The following PCDHGA5 variants were observed in gnomAD, a reference collection of about 807,000 sequenced individuals.
PCDHGA5 encodes the protein protocadherin gamma subfamily A, 5, also known as protocadherin gamma-A5.
In PCDHGA5, 36 loss-of-function variants were observed where a neutral mutation model predicts 56.7. The observed-to-expected ratio is 0.64, with a 90% CI of 0.49 to 0.84. The LOEUF (loss-of-function observed/expected upper bound fraction) is 0.84. Among genes scored for constraint, PCDHGA5 ranks in the 40% least tolerant of loss-of-function variants. The pLI, the probability that PCDHGA5 is intolerant of heterozygous loss-of-function variation, is 0.00. For synonymous variants in PCDHGA5, 563 were observed against 520.2 expected, an observed-to-expected ratio of 1.08 and a Z score of -1.12; for missense variants, 1,305 against 1,201.5, an observed-to-expected ratio of 1.09 and a Z score of -1.27.
At position 141,371,344 on chromosome 5, in the gene PCDHGA5, T is replaced by C. The variant is rs752180321; in HGVS notation, c.2421+4593T>C. The C allele has an allele frequency of 9.1e-5, 147 of 1,613,880 alleles. 4 individuals are homozygous for C. In the South Asian group the frequency reaches 1.4e-3, roughly 16 times the overall value. ...TTTGAAGAGAGAGATAGCTACACAATTGGGGTGGAAGCAAAGGATGGTGGA... is the reference window on the plus strand; with the variant it reads ...TTTGAAGAGAGAGATAGCTACACAACTGGGGTGGAAGCAAAGGATGGTGGA... On this transcript the variant is annotated intron_variant, in intron 1 of 3. Coordinates refer to ENST00000518069, the MANE Select transcript of PCDHGA5 (RefSeq NM_018918.3).
chr5:141,507,365 C>G (rs1279257057), intron 3 of PCDHGA5: 1 of 152,092 alleles, frequency 6.6e-6, no homozygotes, highest in African/African-American at 2.4e-5. Context: ...ACTGGGAGCC[C>G]TGTACTTTTA....
At chr5:141,501,013 C>T (rs1456343329) in intron 2 of PCDHGA5, among the ~76,000 whole-genome samples, 2 of 151,970 alleles carry the variant, frequency 1.3e-5, no homozygotes, top group Non-Finnish European at 2.9e-5. Context: ...GGACTACAGG[C>T]ACGCGCCACC....
chr5:141,487,968 T>C lies in PCDHGA5; in HGVS notation c.2422-6839T>C, dbSNP rs2099670029. Among the ~76,000 whole-genome samples the C allele has an allele frequency of 6.6e-6, 1 of 152,236 alleles. No individual in the cohort carries two copies. The highest frequency in any genetic ancestry group is 1.5e-5 in the Non-Finnish European group (1 of 68,050). On this transcript the variant is annotated intron_variant, in intron 1 of 3. Transcript: ENST00000518069. This position sits in a 1 kb window ranked among gnomAD's most constrained non-coding sequence, Gnocchi z 5.0. The stretch of plus-strand genomic sequence containing the variant: ...AGGCAGTCACTTGGACAAAGGTGGC[T>C]GTTTTCTCTACTCTTCCTGAAAGAG...
rs764067454 is a variant in PCDHGA5 at position 141,413,998 on chromosome 5, G to C, written c.2421+47247G>C. On this transcript the variant is annotated intron_variant, in intron 1 of 3. Coordinates refer to ENST00000518069, the MANE Select transcript of PCDHGA5 (RefSeq NM_018918.3). Reference sequence around the variant, plus strand: ...GACAGTCACAGCCACCGACAGGGACGAAGGTGCCAATGGAGAAGTGACATA... The same window carrying C: ...GACAGTCACAGCCACCGACAGGGACCAAGGTGCCAATGGAGAAGTGACATA... 29 of 1,613,320 alleles carry C rather than the reference G, an allele frequency of 1.8e-5. No individual in the cohort carries two copies. The Admixed American group carries it at 4.8e-4, about 27-fold the overall frequency.
chr5:141,413,895 T>A (rs749075692), intron 1 of PCDHGA5: 2 of 1,613,308 alleles, frequency 1.2e-6, no homozygotes, highest in South Asian at 2.2e-5. Flanking sequence ...TCGATGCAAA[T>A]GACAACGCGC....
intron 1 of PCDHGA5, chr5:141,422,395 C>T: frequency 1.9e-6 from 3 of 1,596,286 alleles, no homozygotes; most frequent in South Asian, 1.1e-5. Context: ...TATTCCTAAC[C>T]ACCTGCCTTT....
intron 1 of PCDHGA5, among the ~76,000 whole-genome samples, chr5:141,454,222 T>C (rs1411974754): frequency 6.6e-6 from 1 of 152,118 alleles, no homozygotes; most frequent in African/African-American, 2.4e-5. Flanking sequence ...ATGAGAAAAG[T>C]AATTGTGATG....
At chr5:141,414,223 G>C in intron 1 of PCDHGA5, 1 of 1,613,426 alleles carries the variant, frequency 6.2e-7, no homozygotes, top group Non-Finnish European at 8.5e-7. Flanking sequence ...CAACAGTCCA[G>C]AGCTGACCAT....
chr5:141,385,205 T>A, intron 1 of PCDHGA5: 1 of 1,614,228 alleles, frequency 6.2e-7, no homozygotes, highest in Non-Finnish European at 8.5e-7. Flanking sequence ...AGTCACCTGA[T>A]CTTCCCCCAG....
chr5:141,453,796 T>C (rs1592274016), intron 1 of PCDHGA5, among the ~76,000 whole-genome samples: 1 of 152,242 alleles, frequency 6.6e-6, no homozygotes, highest in East Asian at 1.9e-4. Context: ...ATATTAACTT[T>C]GAGTAGTTCC....
intron 1 of PCDHGA5, among the ~76,000 whole-genome samples, chr5:141,435,592 C>T (rs573084790): frequency 1.3e-5 from 2 of 152,060 alleles, no homozygotes; most frequent in African/African-American, 2.4e-5. Flanking sequence ...GCAGTAATAT[C>T]GCCTGCTTTT....
chr5:141,400,302 T>C (rs7701363), intron 1 of PCDHGA5: 17,655 of 1,614,082 alleles, frequency 0.011, 144 homozygotes, highest in Admixed American at 0.034. Flanking sequence ...GCTTCCAACC[T>C]GGTCTCTGTG....
intron 1 of PCDHGA5, among the ~76,000 whole-genome samples, chr5:141,430,322 C>G (rs1266324669): frequency 6.7e-6 from 1 of 150,364 alleles, no homozygotes; most frequent in Non-Finnish European, 1.5e-5. Flanking sequence ...AGATTAAAAT[C>G]ATTGTTTATA....
chr5:141,431,622 C>T lies in PCDHGA5; in HGVS notation c.2422-63185C>T, dbSNP rs761448407. 3 of 1,614,070 alleles carry T rather than the reference C, an allele frequency of 1.9e-6. No individual in the cohort carries two copies. The African/African-American group carries it at 4.0e-5, about 22-fold the overall frequency. ...TCCTTCCGGTATGTGGACGACAAGGCGGCCCAAGTTTTCAAACTAGATTGT... is the reference window on the plus strand; with the variant it reads ...TCCTTCCGGTATGTGGACGACAAGGTGGCCCAAGTTTTCAAACTAGATTGT... On this transcript the variant is annotated intron_variant, in intron 1 of 3. Transcript: ENST00000518069. The surrounding 1 kb of genome is among the most constrained non-coding windows in gnomAD (Gnocchi z 4.8).
At chr5:141,393,088 G>A in intron 1 of PCDHGA5, 3 of 1,613,648 alleles carry the variant, frequency 1.9e-6, no homozygotes, top group Non-Finnish European at 2.5e-6. Context: ...AGGATAGATC[G>A]GGAGGAGCTC....
intron 1 of PCDHGA5, chr5:141,421,033 C>T (rs915028623): frequency 2.4e-5 from 13 of 533,788 alleles, no homozygotes; most frequent in Non-Finnish European, 6.5e-6. Context: ...CCATTGAGTC[C>T]CTCCCTCCCC....
At chr5:141,385,582 G>T (rs1192405517) in intron 1 of PCDHGA5, 42 of 1,273,732 alleles carry the variant, frequency 3.3e-5, no homozygotes, top group Non-Finnish European at 4.1e-5. Context: ...TCCAATCTAT[G>T]TTCCAACCTA....
At chr5:141,421,088 C>A in intron 1 of PCDHGA5, 2 of 659,434 alleles carry the variant, frequency 3.0e-6, no homozygotes, top group South Asian at 4.0e-5. Flanking sequence ...CTCACAGATC[C>A]TGACACTGGA....
chr5:141,423,078 C>A (rs752144906), intron 1 of PCDHGA5: 1 of 1,613,990 alleles, frequency 6.2e-7, no homozygotes, highest in Admixed American at 1.7e-5. Context: ...AGCCGGGACT[C>A]TTCGCGGTGG....
Sources: allele counts gnomAD v4.1 joint callset (sites outside exome capture counted in the v4.1 genomes callset), GRCh38; gene constraint gnomAD v4.1.1; non-coding constraint Gnocchi (gnomAD v3.1); transcripts MANE v1.5; gene names NCBI Gene and HGNC (gene_info 2026-07-23, HGNC 2026-07-21).